The following RAB38 variants were observed in gnomAD, a reference collection of about 807,000 sequenced individuals.
RAB38 encodes ras-related protein Rab-38.
Under a neutral mutation model 18.4 loss-of-function variants are expected in RAB38, and 15 were observed. That is an observed-to-expected ratio of 0.82 (90% CI 0.55 to 1.26). The LOEUF (loss-of-function observed/expected upper bound fraction) is 1.26, where lower values mean the gene tolerates loss of function less well. Ranked by LOEUF, RAB38 falls within the 50% of genes most tolerant of loss-of-function variation. The probability of loss-of-function intolerance (pLI) is 0.00; values close to 1 mark genes in which losing one functional copy is unlikely to be tolerated. For synonymous variants in RAB38, 101 were observed against 104.4 expected (o/e 0.97, Z 0.20); for missense variants, 294 against 267.4 (o/e 1.10, Z -0.69).
chr11:87,949,124 G>A, the RAB38 span, among the ~76,000 whole-genome samples: 818 of 152,294 alleles, frequency 5.4e-3, 3 homozygotes, highest in Non-Finnish European at 8.3e-3. Flanking sequence ...TTGGGAGGGT[G>A]TATGTGTCGA....
At chr11:88,014,387 C>T in the RAB38 span, among the ~76,000 whole-genome samples, 1 of 152,026 alleles carries the variant, frequency 6.6e-6, no homozygotes, top group Non-Finnish European at 1.5e-5. Flanking sequence ...ACAGAATGAC[C>T]CCGGTCTGTT....
the RAB38 span, among the ~76,000 whole-genome samples, chr11:88,085,289 G>T: frequency 6.6e-6 from 1 of 151,840 alleles, no homozygotes; most frequent in East Asian, 1.9e-4. Context: ...CAGCCATAAG[G>T]CAAGGAAGCT....
chr11:87,857,801 C>T, the RAB38 span, among the ~76,000 whole-genome samples: 1 of 152,082 alleles, frequency 6.6e-6, no homozygotes, highest in Non-Finnish European at 1.5e-5. Flanking sequence ...AATTTTCTCC[C>T]ATTCTGTAGG....
At chr11:87,893,971 T>C in the RAB38 span, among the ~76,000 whole-genome samples, 1 of 151,728 alleles carries the variant, frequency 6.6e-6, no homozygotes, top group African/African-American at 2.4e-5. Context: ...GGGATCTTGA[T>C]AGCGACTGCA....
chr11:88,041,522 C>T, the RAB38 span, among the ~76,000 whole-genome samples: 62 of 152,232 alleles, frequency 4.1e-4, no homozygotes, highest in Non-Finnish European at 7.4e-4. Flanking sequence ...TTGAATGTAA[C>T]GAGTAAACTT....
chr11:87,873,480 C>G, the RAB38 span, among the ~76,000 whole-genome samples: 1 of 151,564 alleles, frequency 6.6e-6, no homozygotes, highest in South Asian at 2.1e-4. Context: ...TCAATTATTT[C>G]ATTCATGGAT....
At chr11:87,892,985 C>T in the RAB38 span, among the ~76,000 whole-genome samples, 1 of 151,476 alleles carries the variant, frequency 6.6e-6, no homozygotes, top group African/African-American at 2.4e-5. Flanking sequence ...ATGTTAGAGA[C>T]CCTGGTATAA....
the RAB38 span, among the ~76,000 whole-genome samples, chr11:87,879,039 T>A: frequency 6.9e-6 from 1 of 144,836 alleles, no homozygotes; most frequent in Non-Finnish European, 1.5e-5. Context: ...CTGACAGAAA[T>A]GTTGAGGAGA....
chr11:87,941,214 G>GATAGAT, the RAB38 span, among the ~76,000 whole-genome samples: 4 of 62,540 alleles, frequency 6.4e-5, no homozygotes, highest in African/African-American at 2.3e-4. Flanking sequence ...AAATATATGA[G>GATAGAT]ATATATATAT....
At chr11:88,056,494 GTTTATTGAGGAC>G in the RAB38 span, among the ~76,000 whole-genome samples, 1 of 152,066 alleles carries the variant, frequency 6.6e-6, no homozygotes, top group African/African-American at 2.4e-5. Flanking sequence ...CATTCAAAAC[GTTTATTGAGGAC>G]TTAAATTGTC....
At chr11:87,896,403 T>C in the RAB38 span, among the ~76,000 whole-genome samples, 498 of 151,728 alleles carry the variant, frequency 3.3e-3, 4 homozygotes, top group African/African-American at 0.012. Context: ...CCATGCTTGC[T>C]GGAATCTAGG....
the RAB38 span, among the ~76,000 whole-genome samples, chr11:87,903,373 T>C: frequency 6.6e-6 from 1 of 151,526 alleles, no homozygotes; most frequent in Admixed American, 6.6e-5. Context: ...TGATGGATTT[T>C]TTTAGTAAGA....
At chr11:88,036,334 AG>A in the RAB38 span, among the ~76,000 whole-genome samples, 2 of 152,330 alleles carry the variant, frequency 1.3e-5, no homozygotes, top group South Asian at 4.1e-4. Flanking sequence ...CTGGGGAAAA[AG>A]TATACTTATC....
rs763437538 is a variant in RAB38, at chr11:88,149,947, T to C, written c.211A>G (p.Arg71Gly). 1.2e-6 allele frequency: 2 copies of C among 1,603,092 alleles called. No homozygotes were observed. The highest frequency in any genetic ancestry group is 1.7e-5 in the Admixed American group (1 of 57,890). Residue 71 changes from arginine (R) to glycine (G), a missense_variant, in exon 2 of 3, where the codon AGA (arginine) becomes GGA (glycine). Physicochemically the swap from Arg to Gly is moderately radical, Grantham distance 125 (BLOSUM62 -2). Coordinates refer to ENST00000243662, the MANE Select transcript of RAB38 (RefSeq NM_022337.3). ...LQLWDIAGQE[R>G]FGNMTRVYYR... is the part of the protein sequence containing the mutation. Reference sequence around the variant, plus strand: ...TAGACCCTCGTCATGTTTCCAAATCTTTCTTGACCTGACACCAAAAAGAAA... The same window carrying C: ...TAGACCCTCGTCATGTTTCCAAATCCTTCTTGACCTGACACCAAAAAGAAA...
At chr11:88,068,370 T>C in the RAB38 span, among the ~76,000 whole-genome samples, 2 of 152,182 alleles carry the variant, frequency 1.3e-5, no homozygotes, top group Non-Finnish European at 2.9e-5. Context: ...AGCCTAATCT[T>C]AGGTAATAGA....
the RAB38 span, among the ~76,000 whole-genome samples, chr11:88,082,547 G>A: frequency 2.0e-5 from 3 of 151,566 alleles, no homozygotes; most frequent in Non-Finnish European, 4.4e-5. Flanking sequence ...TGCATCTCCC[G>A]CAATCTATCC....
chr11:87,873,894 A>T, the RAB38 span, among the ~76,000 whole-genome samples: 9 of 123,190 alleles, frequency 7.3e-5, no homozygotes, highest in Non-Finnish European at 1.6e-5. Context: ...ATGTGTGTGT[A>T]TATATATATA....
At chr11:87,884,985 C>A in the RAB38 span, among the ~76,000 whole-genome samples, 3 of 152,074 alleles carry the variant, frequency 2.0e-5, no homozygotes, top group African/African-American at 7.2e-5. Context: ...ACATTAGATA[C>A]ATCTGAAAAA....
At chr11:88,005,475 TATAG>T in the RAB38 span, among the ~76,000 whole-genome samples, 1 of 151,452 alleles carries the variant, frequency 6.6e-6, no homozygotes, top group Non-Finnish European at 1.5e-5. Flanking sequence ...TCAAACTACA[TATAG>T]AAATTGTTTT....
Sources: gnomAD v4.1 joint callset for allele counts (sites outside exome capture counted in the v4.1 genomes callset) on GRCh38, gnomAD v4.1.1 for gene constraint, MANE v1.5 for transcripts, NCBI Gene and HGNC (gene_info 2026-07-23, HGNC 2026-07-21) for gene names.